The following MID1 variants were observed in gnomAD, a reference collection of about 807,000 sequenced individuals.
MID1 encodes the protein midline 1.
Under a neutral mutation model 40.4 loss-of-function variants are expected in MID1, and 7 were observed. The observed-to-expected ratio is 0.17, with a 90% CI of 0.10 to 0.33. The LOEUF is 0.33. MID1 is among the 10% of genes least tolerant of loss of function. The pLI is 1.00. For missense variants in MID1, 367 were observed against 558.5 expected (o/e 0.66, Z 3.46); for synonymous variants, 229 against 221.2 (o/e 1.04, Z -0.31).
intron 1 of MID1, among the ~76,000 whole-genome samples, chrX:10,752,203 T>C (rs2043604150): frequency 8.9e-6 from 1 of 111,960 alleles, no homozygotes; most frequent in African/African-American, 3.3e-5. Flanking sequence ...CTCTCCACAG[T>C]GTCCACTCCT....
rs1428094983 is a variant in MID1 at position 10,474,925 on chromosome X, A to G, written c.1014-175T>C. 3 of 506,843 alleles carry G rather than the reference A, an allele frequency of 5.9e-6. No individual in the cohort carries two copies. The Admixed American group carries it at 8.1e-5, about 14-fold the overall frequency. The allele number at this position is 506,843 out of a possible 1,213,427, so 41.8% of individuals were successfully genotyped here. On this transcript the variant is annotated intron_variant, in intron 5 of 9. Coordinates refer to ENST00000317552, the MANE Select transcript of MID1 (RefSeq NM_000381.4). ...CAGTAACATAAAACAAATGAATGCAAGCTTTAAAAAAAAGTGAAGGAATTG... is the reference window on the plus strand; with the variant it reads ...CAGTAACATAAAACAAATGAATGCAGGCTTTAAAAAAAAGTGAAGGAATTG...
At chrX:10,645,027 C>T (rs1294848898) in intron 1 of MID1, among the ~76,000 whole-genome samples, 1 of 111,764 alleles carries the variant, frequency 8.9e-6, no homozygotes, top group African/African-American at 3.3e-5. Flanking sequence ...TGTTCTCAAG[C>T]TTTTCTACCA....
At chrX:10,506,455 C>A (rs777225555) in intron 3 of MID1, 2 of 592,960 alleles carry the variant, frequency 3.4e-6, no homozygotes, top group South Asian at 4.8e-5. Flanking sequence ...CCCCATTGGG[C>A]AACTCTGGGA....
At chrX:10,800,339 T>C (rs972034295) in intron 1 of MID1, among the ~76,000 whole-genome samples, 4 of 111,442 alleles carry the variant, frequency 3.6e-5, no homozygotes, top group African/African-American at 1.3e-4. Flanking sequence ...AACAATTACA[T>C]GAGTAAGCTC....
At chrX:10,656,089 T>C in intron 1 of MID1, among the ~76,000 whole-genome samples, 1 of 112,572 alleles carries the variant, frequency 8.9e-6, no homozygotes, top group Non-Finnish European at 1.9e-5. Context: ...ACACACTTTA[T>C]ATTTTTTCTT....
intron 7 of MID1, among the ~76,000 whole-genome samples, chrX:10,465,409 C>T (rs892479148): frequency 1.4e-4 from 15 of 108,460 alleles, no homozygotes; most frequent in Non-Finnish European, 3.8e-5. Context: ...GTAAACAGGA[C>T]CTGTCATCTG....
chrX:10,551,064 A>G (rs1271746920), intron 2 of MID1, among the ~76,000 whole-genome samples: 1 of 111,792 alleles, frequency 8.9e-6, no homozygotes, highest in Non-Finnish European at 1.9e-5. Context: ...ATGGCATAGT[A>G]TTTGCATATA....
At chrX:10,825,232 A>G (rs1421413200) in intron 1 of MID1, among the ~76,000 whole-genome samples, 1 of 111,901 alleles carries the variant, frequency 8.9e-6, no homozygotes, top group Non-Finnish European at 1.9e-5. Context: ...TAGATCCTAT[A>G]ATGCAACACC....
chrX:10,548,541 A>T (rs1933787957), intron 2 of MID1, among the ~76,000 whole-genome samples: 1 of 112,355 alleles, frequency 8.9e-6, no homozygotes, highest in Admixed American at 9.4e-5. Context: ...TAGATAAAAA[A>T]GGGAAGAGGT....
At chrX:10,630,320 T>C (rs989344168) in intron 1 of MID1, among the ~76,000 whole-genome samples, 21 of 111,438 alleles carry the variant, frequency 1.9e-4, no homozygotes, top group Admixed American at 1.6e-3. Context: ...GGTGATATTT[T>C]AGCAAAGTCC....
chrX:10,494,769 CTCAA>C (rs1931148959), intron 4 of MID1, among the ~76,000 whole-genome samples: 1 of 55,151 alleles, frequency 1.8e-5, no homozygotes, highest in African/African-American at 8.0e-5. Flanking sequence ...TAAAGACTGT[CTCAA>C]AAAAAAAAAA....
chrX:10,662,078 G>A (rs1051347893), intron 1 of MID1, among the ~76,000 whole-genome samples: 2 of 111,788 alleles, frequency 1.8e-5, no homozygotes, highest in African/African-American at 6.5e-5. Flanking sequence ...GCCGAGGTGG[G>A]CAGATCACCT....
intron 1 of MID1, among the ~76,000 whole-genome samples, chrX:10,829,068 T>C (rs1304942524): frequency 8.9e-6 from 1 of 112,377 alleles, no homozygotes; most frequent in East Asian, 2.8e-4. Flanking sequence ...GAGCCAAGGA[T>C]ATCAGTTCGA....
intron 2 of MID1, among the ~76,000 whole-genome samples, chrX:10,539,389 A>G (rs1933381334): frequency 8.9e-6 from 1 of 111,911 alleles, no homozygotes; most frequent in Non-Finnish European, 1.9e-5. Context: ...AATTTATACT[A>G]TCTGTGACCT....
At chrX:10,693,865 G>T (rs1396006702) in intron 1 of MID1, among the ~76,000 whole-genome samples, 2 of 112,022 alleles carry the variant, frequency 1.8e-5, no homozygotes, top group Non-Finnish European at 3.8e-5. Flanking sequence ...CACTAAACTT[G>T]CGAGGACAGT....
chrX:10,631,051 A>G (rs759650246), intron 1 of MID1, among the ~76,000 whole-genome samples: 1 of 111,530 alleles, frequency 9.0e-6, no homozygotes, highest in South Asian at 3.8e-4. Context: ...AGGTCCAGGG[A>G]TATTTGGATC....
intron 2 of MID1, among the ~76,000 whole-genome samples, chrX:10,533,267 G>C (rs1036186559): frequency 1.9e-5 from 2 of 103,143 alleles, no homozygotes; most frequent in Admixed American, 1.1e-4. Flanking sequence ...GCAGAAAATT[G>C]TTTTCCTTAT....
At chrX:10,550,361 A>G (rs754027629) in intron 2 of MID1, among the ~76,000 whole-genome samples, 19 of 112,468 alleles carry the variant, frequency 1.7e-4, no homozygotes, top group African/African-American at 5.5e-4. Flanking sequence ...GAAGGGATTA[A>G]AGAATATTTC....
intron 8 of MID1, among the ~76,000 whole-genome samples, chrX:10,456,065 T>G (rs1418914807): frequency 8.9e-6 from 1 of 112,485 alleles, no homozygotes; most frequent in Non-Finnish European, 1.9e-5. Context: ...CAGTCACTGT[T>G]GCAGTTGGCA....
Sources: allele counts gnomAD v4.1 joint callset (sites outside exome capture counted in the v4.1 genomes callset), GRCh38; gene constraint gnomAD v4.1.1; transcripts MANE v1.5; gene names NCBI Gene and HGNC (gene_info 2026-07-23, HGNC 2026-07-21).